The following PDE10A variants were observed in gnomAD, a reference collection of about 807,000 sequenced individuals.
PDE10A encodes cAMP and cAMP-inhibited cGMP 3',5'-cyclic phosphodiesterase 10A.
A neutral mutation model predicts 97.7 loss-of-function variants in PDE10A; 39 were observed. The ratio of observed to expected loss-of-function variants is 0.40; its 90% confidence interval spans 0.31 to 0.52. The LOEUF (loss-of-function observed/expected upper bound fraction) is 0.52, where lower values mean the gene tolerates loss of function less well. PDE10A is among the 20% of genes least tolerant of loss of function. The pLI is 0.56. For missense variants in PDE10A, 731 were observed against 1,047.8 expected, an observed-to-expected ratio of 0.70 and a Z score of 4.17; for synonymous variants, 371 against 376.8, an observed-to-expected ratio of 0.98 and a Z score of 0.18.
chr6:165,572,892 A>C (rs1049808238), intron 1 of PDE10A, among the ~76,000 whole-genome samples: 1 of 152,222 alleles, frequency 6.6e-6, no homozygotes, highest in African/African-American at 2.4e-5. Flanking sequence ...ATGTCTCACC[A>C]TTCTGTAGAG....
intron 1 of PDE10A, among the ~76,000 whole-genome samples, chr6:165,599,144 A>C (rs1195580275): frequency 6.6e-6 from 1 of 152,216 alleles, no homozygotes; most frequent in Non-Finnish European, 1.5e-5. Flanking sequence ...AATCCTAATG[A>C]ATTGCATGCC....
At chr6:165,732,866 G>C (rs1039001) in intron 1 of PDE10A, among the ~76,000 whole-genome samples, 2 of 151,998 alleles carry the variant, frequency 1.3e-5, no homozygotes, top group Non-Finnish European at 1.5e-5. Context: ...GCATCTGTCC[G>C]CTGGCCACCA....
intron 1 of PDE10A, among the ~76,000 whole-genome samples, chr6:165,713,864 G>C (rs763605561): frequency 3.9e-5 from 6 of 152,204 alleles, no homozygotes; most frequent in Non-Finnish European, 8.8e-5. Context: ...TAATTTCTAA[G>C]TCCTATGTAT....
upstream of PDE10A, among the ~76,000 whole-genome samples, chr6:165,663,996 G>A (rs1045729585): frequency 1.3e-5 from 2 of 152,224 alleles, no homozygotes; most frequent in African/African-American, 2.4e-5. Context: ...GTCCGCGTTC[G>A]GGCAGGCACG....
At chr6:165,371,801 T>A (rs1307442234) in intron 18 of PDE10A, among the ~76,000 whole-genome samples, 2 of 152,094 alleles carry the variant, frequency 1.3e-5, no homozygotes, top group Non-Finnish European at 2.9e-5. Flanking sequence ...CCAACATCCT[T>A]GATGAACATT....
intron 1 of PDE10A, among the ~76,000 whole-genome samples, chr6:165,955,004 C>T (rs113311148): frequency 3.3e-5 from 5 of 152,282 alleles, no homozygotes; most frequent in African/African-American, 1.2e-4. Context: ...TGCCTTACAC[C>T]TCCACAAGGA....
chr6:165,597,481 G>C (rs1416268965), intron 1 of PDE10A, among the ~76,000 whole-genome samples: 1 of 152,136 alleles, frequency 6.6e-6, no homozygotes, highest in Non-Finnish European at 1.5e-5. Context: ...GTAAAACTCA[G>C]GTTTTGGCCA....
intron 1 of PDE10A, among the ~76,000 whole-genome samples, chr6:165,794,051 C>G (rs1778738032): frequency 1.3e-5 from 2 of 152,222 alleles, no homozygotes; most frequent in Non-Finnish European, 2.9e-5. Flanking sequence ...ATTCAAAAGT[C>G]GAGCCGTTTG....
intron 1 of PDE10A, among the ~76,000 whole-genome samples, chr6:165,653,676 T>A (rs184117241): frequency 3.4e-4 from 52 of 152,292 alleles, no homozygotes; most frequent in African/African-American, 1.2e-3. Context: ...GGATCCCTCA[T>A]GAGCCAGCAA....
At chr6:165,396,946 T>G (rs1026375451) in intron 13 of PDE10A, among the ~76,000 whole-genome samples, 2 of 152,220 alleles carry the variant, frequency 1.3e-5, no homozygotes, top group Non-Finnish European at 2.9e-5. Flanking sequence ...TTTTTAGTCT[T>G]GACTGTATAT....
At chr6:165,691,106 T>TTTCTCTCCCCC (rs1554305963) in intron 1 of PDE10A, among the ~76,000 whole-genome samples, 4 of 39,090 alleles carry the variant, frequency 1.0e-4, no homozygotes, top group African/African-American at 3.4e-4. Flanking sequence ...TCTTTCTCTC[T>TTTCTCTCCCCC]CCCCCCCCCC....
intron 1 of PDE10A, among the ~76,000 whole-genome samples, chr6:165,903,381 A>G (rs748684585): frequency 7.9e-5 from 12 of 152,232 alleles, no homozygotes; most frequent in Non-Finnish European, 1.6e-4. Flanking sequence ...AGATGAATAT[A>G]GGATTCATTT....
In PDE10A at chr6:165,688,568, AT is replaced by A. The variant is rs376535758; in HGVS notation, c.-614-145001del. 6.6e-5 allele frequency among the ~76,000 whole-genome samples: 10 copies of A among 152,286 alleles called. 1 individual carries two copies. The highest frequency in any genetic ancestry group is 2.4e-4 in the African/African-American group (10 of 41,552). ...CATGGTGCTCAGGGATCATATTCTG[AT>A]TCGCAACTGTTGGTGTGATGGGCAG... On this transcript the variant is annotated intron_variant, in intron 1 of 19. Transcript: ENST00000366882.
intron 1 of PDE10A, among the ~76,000 whole-genome samples, chr6:165,829,712 T>A (rs1305071280): frequency 6.6e-6 from 1 of 152,216 alleles, no homozygotes; most frequent in Non-Finnish European, 1.5e-5. Context: ...GTTTCCGAAC[T>A]CTTACTTTTC....
chr6:165,627,328 T>C (rs987049006), intron 1 of PDE10A, among the ~76,000 whole-genome samples: 2 of 152,218 alleles, frequency 1.3e-5, no homozygotes, highest in Non-Finnish European at 2.9e-5. Flanking sequence ...CTATTAATGA[T>C]ATATTTTGTT....
At chr6:165,352,848 C>A (rs545924322) in intron 18 of PDE10A, among the ~76,000 whole-genome samples, 1 of 152,158 alleles carries the variant, frequency 6.6e-6, no homozygotes, top group East Asian at 1.9e-4. Context: ...AGCTAGACTT[C>A]ATTAAAAATT....
chr6:165,658,016 A>T (rs1398664767), intron 1 of PDE10A, among the ~76,000 whole-genome samples: 1 of 152,134 alleles, frequency 6.6e-6, no homozygotes, highest in African/African-American at 2.4e-5. Flanking sequence ...CTCAGTAGAT[A>T]CTCAACAAGT....
intron 18 of PDE10A, among the ~76,000 whole-genome samples, chr6:165,373,575 G>GA (rs1238400084): frequency 6.6e-6 from 1 of 152,112 alleles, no homozygotes; most frequent in Non-Finnish European, 1.5e-5. Context: ...AAAAAGTCAG[G>GA]AAACAACAGG....
chr6:165,901,454 G>A (rs1008429550), intron 1 of PDE10A, among the ~76,000 whole-genome samples: 3 of 152,296 alleles, frequency 2.0e-5, no homozygotes, highest in Non-Finnish European at 2.9e-5. Context: ...CGGGTCTCAC[G>A]TGGGCTGCCT....
Sources: gnomAD v4.1 joint callset for allele counts (sites outside exome capture counted in the v4.1 genomes callset) on GRCh38, gnomAD v4.1.1 for gene constraint, MANE v1.5 for transcripts, NCBI Gene and HGNC (gene_info 2026-07-23, HGNC 2026-07-21) for gene names.